Variants in ALB observed in about 807,000 individuals in gnomAD.
ALB encodes serum albumin.
Under a neutral mutation model 74.5 loss-of-function variants are expected in ALB, and 37 were observed. That is an observed-to-expected ratio of 0.50 (90% CI 0.38 to 0.65). ALB has a LOEUF of 0.65. Among genes scored for constraint, ALB ranks in the 30% least tolerant of loss-of-function variants. ALB has a pLI of 0.00. For missense variants in ALB, 685 were observed against 718.7 expected (o/e 0.95, Z 0.54); for synonymous variants, 249 against 251.6 (o/e 0.99, Z 0.10).
rs765781026 is a variant in ALB at position 73,420,343 on chromosome 4, T to TA, written c.*23+28dup. 12 of 1,480,652 alleles carry TA rather than the reference T, an allele frequency of 8.1e-6. No individual in the cohort carries two copies. The South Asian group carries it at 1.4e-4, about 17-fold the overall frequency. The allele number at this position is 1,480,652 out of a possible 1,614,324, so 91.7% of individuals were successfully genotyped here. On this transcript the variant is annotated intron_variant, in intron 14 of 14. Coordinates refer to ENST00000295897, the MANE Select transcript of ALB (RefSeq NM_000477.7). The stretch of plus-strand genomic sequence containing the variant: ...TCAGGTAACTATATTTTGAATTTTT[T>TA]AAAAAAGTAACTATAATAGTTATTA...
intron 9 of ALB, 130 bp from the exon 10 acceptor site, chr4:73,416,126 T>C (rs1719006536): frequency 5.7e-6 from 4 of 695,844 alleles, no homozygotes; most frequent in East Asian, 2.8e-5. Flanking sequence ...CAGAGCGGCA[T>C]TGATATTCAT....
intron 9 of ALB, among the ~76,000 whole-genome samples, chr4:73,415,686 A>C (rs142278120): frequency 6.6e-6 from 1 of 152,188 alleles, no homozygotes; most frequent in Non-Finnish European, 1.5e-5. Flanking sequence ...TTTCTGAACT[A>C]TTCAGAATCA....
chr4:73,410,075 G>T (rs188705172), intron 5 of ALB, among the ~76,000 whole-genome samples: 1 of 152,162 alleles, frequency 6.6e-6, no homozygotes. Context: ...TCTTTTTCCT[G>T]GCAATGTTTC....
Position 73,418,286 on chromosome 4 carries a change from A to G in ALB, c.1627A>G (p.Lys543Glu). Residue 543 changes from lysine (K) to glutamate (E), a missense_variant, in exon 12 of 15, where the codon AAG becomes GAG. Transcript: ENST00000295897. The stretch of plus-strand genomic sequence containing the variant: ...TGCAGATATATGCACACTTTCTGAG[A>G]AGGAGAGACAAATCAAGAAACAAAC... The part of the protein sequence containing the change: ...FHADICTLSE[K>E]ERQIKKQTAL... The G allele has an allele frequency of 1.2e-6, 2 of 1,613,814 alleles. No homozygotes were observed. The highest frequency in any genetic ancestry group is 1.7e-6 in the Non-Finnish European group (2 of 1,179,872).
At chr4:73,420,611 T>C (rs1053610712) in intron 14 of ALB, among the ~76,000 whole-genome samples, 1 of 152,146 alleles carries the variant, frequency 6.6e-6, no homozygotes, top group African/African-American at 2.4e-5. Context: ...TTGCCCATTG[T>C]CCTGTTCTGA....
intron 7 of ALB, chr4:73,413,112 G>A (rs1718921506): frequency 1.3e-5 from 4 of 307,826 alleles, no homozygotes; most frequent in Non-Finnish European, 2.4e-5. Context: ...TAATTTTGGG[G>A]GATTATTTGG....
rs1577936239 is a variant in ALB, at chr4:73,408,918, G to A, written c.482+113G>A. 8.4e-6 allele frequency: 8 copies of A among 957,374 alleles called. No individual in the cohort carries two copies. In the East Asian group the frequency reaches 1.9e-4, roughly 22 times the overall value. 59.3% of individuals were successfully genotyped at this position (957,374 alleles called of 1,614,324 possible). ...ATATTTTCAACATTAAGACTTGGAA[G>A]TTTTGTTATGATGATTTTTTAAAGA... is the stretch of plus-strand genomic sequence containing the variant. On this transcript the variant is annotated intron_variant, in intron 4 of 14. Coordinates refer to ENST00000295897, the MANE Select transcript of ALB (RefSeq NM_000477.7).
At position 73,405,172 on chromosome 4, in the gene ALB, T is replaced by C; in HGVS notation, c.136T>C (p.Leu46=). The stretch of plus-strand genomic sequence containing the variant: ...TTTGGGAGAAGAAAATTTCAAAGCC[T>C]TGTAAGTTAAAATATTGATGAATCA... ...KDLGEENFKA[L]VLIAFAQYLQ... Residue 46 remains leucine, a splice_region_variant and synonymous_variant, in exon 2 of 15, where the codon TTG becomes CTG. Transcript: ENST00000295897. 1 of 1,608,744 alleles carries C rather than the reference T, an allele frequency of 6.2e-7. No homozygotes were observed. The highest frequency in any genetic ancestry group is 8.5e-7 in the Non-Finnish European group (1 of 1,175,228).
At position 73,418,267 on chromosome 4, in the gene ALB, T is replaced by C. The variant is rs56042353; in HGVS notation, c.1608T>C (p.Asp536=). The change falls in exon 12 of 15, where the codon GAT becomes GAC. Residue 536 remains aspartate (D), a synonymous_variant. Coordinates refer to ENST00000295897, the MANE Select transcript of ALB (RefSeq NM_000477.7). Reference sequence around the variant, plus strand: ...CTGAAACATTCACCTTCCATGCAGATATATGCACACTTTCTGAGAAGGAGA... The same window carrying C: ...CTGAAACATTCACCTTCCATGCAGACATATGCACACTTTCTGAGAAGGAGA... ...FNAETFTFHA[D]ICTLSEKERQ... 1.5e-3 allele frequency: 2,461 copies of C among 1,614,072 alleles called. 17 individuals are homozygous for C. The African/African-American group carries it at 0.017, about 11-fold the overall frequency.
intron 6 of ALB, among the ~76,000 whole-genome samples, chr4:73,411,323 T>C (rs996593826): frequency 7.9e-5 from 12 of 152,158 alleles, no homozygotes; most frequent in Admixed American, 2.0e-4. Context: ...TTTACCTGAT[T>C]TAGGCAACTG....
At chr4:73,411,106 G>T (rs1232004718) in intron 6 of ALB, among the ~76,000 whole-genome samples, 1 of 152,088 alleles carries the variant, frequency 6.6e-6, no homozygotes, top group East Asian at 1.9e-4. Flanking sequence ...TCACCTGCTA[G>T]TCAACAGCAA....
Position 73,404,323 on chromosome 4 carries a change from G to T in ALB, c.-5G>T. 2 of 1,612,608 alleles carry T rather than the reference G, an allele frequency of 1.2e-6. No individual in the cohort carries two copies. Among genetic ancestry groups the T allele is most frequent in the Non-Finnish European group, 1.7e-6 (2 of 1,178,820 alleles). ...CTTCTGTCAACCCCACACGCCTTTGGCACAATGAAGTGGGTAACCTTTATT... is the reference window on the plus strand; with the variant it reads ...CTTCTGTCAACCCCACACGCCTTTGTCACAATGAAGTGGGTAACCTTTATT... On this transcript the variant is annotated 5_prime_UTR_variant, in exon 1 of 15. Transcript: ENST00000295897.
At chr4:73,416,710 T>C (rs899753847) in intron 10 of ALB, among the ~76,000 whole-genome samples, 7 of 152,202 alleles carry the variant, frequency 4.6e-5, no homozygotes, top group Non-Finnish European at 1.0e-4. Context: ...CTTGAATAGA[T>C]GTCGCTCAAA....
chr4:73,406,512 T>C, intron 2 of ALB, 117 bp from the exon 3 acceptor site: 1 of 1,010,338 alleles, frequency 9.9e-7, no homozygotes, highest in Non-Finnish European at 1.5e-6. Flanking sequence ...TGGATAATGG[T>C]GAAGAAGATG....
chr4:73,411,920 G>T (rs554891308), intron 6 of ALB, 76 bp from the exon 7 acceptor site: 2 of 1,573,268 alleles, frequency 1.3e-6, no homozygotes, highest in African/African-American at 1.4e-5. Context: ...TTTCTTATGA[G>T]AAATAGTATT....
chr4:73,409,412 C>G lies in ALB; in HGVS notation c.540C>G (p.Phe180Leu). The G allele has an allele frequency of 6.2e-7, 1 of 1,613,900 alleles. No individual in the cohort carries two copies. Among genetic ancestry groups the G allele is most frequent in the East Asian group, 2.2e-5 (1 of 44,870 alleles). The change falls in exon 5 of 15, where the codon TTC becomes TTG. Residue 180 changes from phenylalanine (F) to leucine (L), a missense_variant. Physicochemically the swap from Phe to Leu is conservative, Grantham distance 22. Coordinates refer to ENST00000295897, the MANE Select transcript of ALB (RefSeq NM_000477.7). ...HPYFYAPELL[F>L]FAKRYKAAFT... The stretch of plus-strand genomic sequence containing the variant: ...ACTTTTATGCCCCGGAACTCCTTTT[C>G]TTTGCTAAAAGGTATAAAGCTGCTT...
intron 2 of ALB, among the ~76,000 whole-genome samples, chr4:73,406,156 G>A (rs917738855): frequency 3.3e-5 from 5 of 152,132 alleles, no homozygotes; most frequent in Non-Finnish European, 5.9e-5. Context: ...CTACTTAGGA[G>A]GCTGACGTAG....
chr4:73,417,793 G>T, intron 11 of ALB, 124 bp downstream of exon 11: 1 of 903,388 alleles, frequency 1.1e-6, no homozygotes, highest in Non-Finnish European at 1.7e-6. Context: ...GTGCATGTGT[G>T]TGTGCATGCA....
At chr4:73,409,656 T>C (rs553338279) in intron 5 of ALB, among the ~76,000 whole-genome samples, 169 bp downstream of exon 5, 157 of 152,312 alleles carry the variant, frequency 1.0e-3, no homozygotes, top group Non-Finnish European at 1.8e-3. Context: ...GCCTACACTC[T>C]CGTTTCTTCT....
Sources: gnomAD v4.1 joint callset for allele counts (sites outside exome capture counted in the v4.1 genomes callset) on GRCh38, gnomAD v4.1.1 for gene constraint, MANE v1.5 for transcripts, NCBI Gene and HGNC (gene_info 2026-07-23, HGNC 2026-07-21) for gene names.